The following LGSN variants were observed in gnomAD, a reference collection of about 807,000 sequenced individuals.
The protein encoded by LGSN is lengsin.
In LGSN, 21 loss-of-function variants were observed where a neutral mutation model predicts 19.5. The ratio of observed to expected loss-of-function variants is 1.07; its 90% CI spans 0.76 to 1.55. The LOEUF is 1.55. Among genes scored for constraint, LGSN ranks in the 40% most tolerant of loss-of-function variants. The pLI, the probability that LGSN is intolerant of heterozygous loss-of-function variation, is 0.00. For missense variants in LGSN, 673 were observed against 608.5 expected, an observed-to-expected ratio of 1.11 and a Z score of -1.12; for synonymous variants, 257 against 215.6, an observed-to-expected ratio of 1.19 and a Z score of -1.68.
At chr6:63,562,721 T>C in the LGSN span, among the ~76,000 whole-genome samples, 1 of 152,220 alleles carries the variant, frequency 6.6e-6, no homozygotes, top group Non-Finnish European at 1.5e-5. Context: ...AAGAGTTTAA[T>C]TGTTCTCTTA....
chr6:63,414,994 C>T, the LGSN span, among the ~76,000 whole-genome samples: 9 of 151,882 alleles, frequency 5.9e-5, no homozygotes, highest in South Asian at 1.9e-3. Context: ...ATAAAATATC[C>T]CCCTCAATTA....
the LGSN span, among the ~76,000 whole-genome samples, chr6:63,357,129 G>A: frequency 1.6e-4 from 25 of 152,082 alleles, no homozygotes; most frequent in Non-Finnish European, 3.4e-4. Flanking sequence ...CTGGTTTCCA[G>A]CTTCATCCAT....
At chr6:63,571,439 T>C in the LGSN span, 4 of 152,212 alleles carry the variant, frequency 2.6e-5, no homozygotes, top group East Asian at 5.8e-4. Flanking sequence ...TTTCAGATTA[T>C]AAATAACAGA....
At chr6:63,357,706 GA>G in the LGSN span, among the ~76,000 whole-genome samples, 1 of 152,020 alleles carries the variant, frequency 6.6e-6, no homozygotes, top group African/African-American at 2.4e-5. Context: ...AAATTTGTTT[GA>G]GTTCATTGTA....
the LGSN span, among the ~76,000 whole-genome samples, chr6:63,407,863 C>G: frequency 1.3e-5 from 2 of 152,164 alleles, no homozygotes; most frequent in African/African-American, 4.8e-5. Flanking sequence ...ACAAAAATCA[C>G]AAGCATTCTT....
chr6:63,376,806 T>G, the LGSN span, among the ~76,000 whole-genome samples: 1 of 152,188 alleles, frequency 6.6e-6, no homozygotes, highest in Non-Finnish European at 1.5e-5. Context: ...GATTTTGGGG[T>G]GAATAACTTT....
At chr6:63,289,013 C>G (rs1458665970) in intron 2 of LGSN, among the ~76,000 whole-genome samples, 2 of 152,140 alleles carry the variant, frequency 1.3e-5, no homozygotes, top group Admixed American at 6.5e-5. Context: ...CTTCAGTGTC[C>G]AAATTGGCAC....
chr6:63,295,999 C>T (rs9361556), intron 1 of LGSN, among the ~76,000 whole-genome samples: 19,033 of 152,016 alleles, frequency 0.13, 1,635 homozygotes, highest in Admixed American at 0.25. Flanking sequence ...AAGCAGGCTC[C>T]GAGAGGTTTC....
At chr6:63,510,527 TC>T in the LGSN span, among the ~76,000 whole-genome samples, 1 of 151,522 alleles carries the variant, frequency 6.6e-6, no homozygotes, top group African/African-American at 2.4e-5. Flanking sequence ...TAGATTTTTT[TC>T]CCCTTATTCT....
the LGSN span, among the ~76,000 whole-genome samples, chr6:63,416,835 T>C: frequency 6.6e-6 from 1 of 152,146 alleles, no homozygotes; most frequent in East Asian, 1.9e-4. Flanking sequence ...CCCAAAGTGC[T>C]GGGATTGCAG....
intron 2 of LGSN, among the ~76,000 whole-genome samples, chr6:63,289,957 C>T (rs779033832): frequency 7.9e-5 from 12 of 151,628 alleles, no homozygotes; most frequent in South Asian, 6.2e-4. Flanking sequence ...ATCATATTAG[C>T]GCAGACATTG....
the LGSN span, chr6:63,397,022 C>G: frequency 6.6e-6 from 1 of 152,378 alleles, no homozygotes; most frequent in Admixed American, 6.6e-5. Flanking sequence ...CTGGGAGCCC[C>G]TCCCACACCC....
At chr6:63,554,972 G>A in the LGSN span, among the ~76,000 whole-genome samples, 5 of 152,130 alleles carry the variant, frequency 3.3e-5, no homozygotes, top group Non-Finnish European at 5.9e-5. Flanking sequence ...CAGCAATGTC[G>A]GAAGTTCTGA....
At chr6:63,320,415 AT>A (rs1273350550), upstream of LGSN, among the ~76,000 whole-genome samples, 18 of 152,174 alleles carry the variant, frequency 1.2e-4, no homozygotes, top group African/African-American at 4.3e-4. Context: ...AGATCCACTC[AT>A]TTGTAATTCT....
the LGSN span, chr6:63,441,545 G>A: frequency 7.2e-6 from 3 of 418,640 alleles, no homozygotes; most frequent in Non-Finnish European, 1.4e-5. Context: ...AAGTGGGAGA[G>A]GCAGCAGGGT....
chr6:63,496,158 C>G, the LGSN span, among the ~76,000 whole-genome samples: 1 of 152,160 alleles, frequency 6.6e-6, no homozygotes, highest in Admixed American at 6.5e-5. Flanking sequence ...CTCCTTACCT[C>G]AGGTGATCTG....
the LGSN span, among the ~76,000 whole-genome samples, chr6:63,413,405 C>A: frequency 6.6e-6 from 1 of 152,140 alleles, no homozygotes; most frequent in Admixed American, 6.5e-5. Context: ...GAAAGATTGG[C>A]TGACATTTAT....
chr6:63,495,269 T>A, the LGSN span, among the ~76,000 whole-genome samples: 1 of 151,804 alleles, frequency 6.6e-6, no homozygotes, highest in Non-Finnish European at 1.5e-5. Flanking sequence ...CCCAAAAAAG[T>A]ATTATTTTTT....
the LGSN span, among the ~76,000 whole-genome samples, chr6:63,477,365 T>A: frequency 6.6e-6 from 1 of 152,214 alleles, no homozygotes; most frequent in Non-Finnish European, 1.5e-5. Flanking sequence ...TTTTGTTCTA[T>A]GTAAAAACAT....
Sources: gnomAD v4.1 joint callset for allele counts (sites outside exome capture counted in the v4.1 genomes callset) on GRCh38, gnomAD v4.1.1 for gene constraint, MANE v1.5 for transcripts, NCBI Gene and HGNC (gene_info 2026-07-23, HGNC 2026-07-21) for gene names.